LRRTM2: variants seen among roughly 807,000 people sequenced by gnomAD.
The protein encoded by LRRTM2 is leucine-rich repeat transmembrane neuronal protein 2.
Under a neutral mutation model 40.7 loss-of-function variants are expected in LRRTM2, and 14 were observed. The ratio of observed to expected loss-of-function variants is 0.34; its 90% confidence interval spans 0.23 to 0.54. The LOEUF is 0.54. Ranked by LOEUF, LRRTM2 falls within the 20% of genes least tolerant of loss-of-function variation. The probability of loss-of-function intolerance (pLI) is 0.92; values close to 1 mark genes in which losing one functional copy is unlikely to be tolerated. For missense variants in LRRTM2, 468 were observed against 624.4 expected (o/e 0.75, Z 2.67); for synonymous variants, 223 against 237.6 (o/e 0.94, Z 0.57).
In LRRTM2 at chr5:138,870,243, G is replaced by A. The variant is rs1317369122; in HGVS notation, c.*2767C>T. On this transcript the variant is annotated 3_prime_UTR_variant, in exon 2 of 2. Coordinates refer to ENST00000274711, the MANE Select transcript of LRRTM2 (RefSeq NM_015564.3). ...GCCAGTTGGTAAAGAAAGCACAGAT[G>A]ACTAACAGTCTAATCTTCAAACCTG... 6.6e-6 allele frequency: 1 copy of A among 152,240 alleles called. No homozygotes were observed. Among genetic ancestry groups the A allele is most frequent in the Non-Finnish European group, 1.5e-5 (1 of 68,048 alleles). The allele number at this position is 152,240 out of a possible 1,614,324, so 9.4% of individuals were successfully genotyped here. A position where few individuals can be genotyped will look rare whatever the true frequency, so the allele number is the denominator to read the frequency against.
In LRRTM2 at chr5:138,871,607, G is replaced by A. The variant is rs1750631322; in HGVS notation, c.*1403C>T. On this transcript the variant is annotated 3_prime_UTR_variant, in exon 2 of 2. Transcript: ENST00000274711. ...TTGGTGCAGATTGTGTATAATCATT[G>A]TTGGCTGCCTTGTAACTCCAGCTAA... 6.6e-6 allele frequency: 1 copy of A among 152,160 alleles called. No homozygotes were observed. The highest frequency in any genetic ancestry group is 1.5e-5 in the Non-Finnish European group (1 of 68,032). The allele number at this position is 152,160 out of a possible 1,614,324, so 9.4% of individuals were successfully genotyped here.
Position 138,873,592 on chromosome 5 carries a change from G to C in LRRTM2, c.969C>G (p.Ala323=). ...GACCTTGGAAACTGCCCAGCCAGGA[G>C]GCCAGAGCACATATTCGGGCGCTGC... The part of the protein sequence containing the change: ...WECSARICAL[A]SWLGSFQGRW... Residue 323 remains alanine (A), a synonymous_variant, in exon 2 of 2, where the codon GCC becomes GCG. Coordinates refer to ENST00000274711, the MANE Select transcript of LRRTM2 (RefSeq NM_015564.3). This position sits in a 1 kb window ranked among gnomAD's most constrained non-coding sequence, Gnocchi z 6.1. 6.2e-7 allele frequency: 1 copy of C among 1,613,972 alleles called. No homozygotes were observed. Among genetic ancestry groups the C allele is most frequent in the Non-Finnish European group, 8.5e-7 (1 of 1,179,894 alleles).
rs1231265402 is a variant in LRRTM2 at position 138,871,075 on chromosome 5, G to A, written c.*1935C>T. 2 of 151,976 alleles carry A rather than the reference G, an allele frequency of 1.3e-5. No individual in the cohort carries two copies. Among genetic ancestry groups the A allele is most frequent in the Non-Finnish European group, 2.9e-5 (2 of 67,972 alleles). The allele number at this position is 151,976 out of a possible 1,614,324, so 9.4% of individuals were successfully genotyped here. ...GAGATGTTAGGTGAAGGGTACTAAG[G>A]TACCCATCTCTTAGTATTAAAGAAG... On this transcript the variant is annotated 3_prime_UTR_variant, in exon 2 of 2. Transcript: ENST00000274711.
Position 138,873,003 on chromosome 5 carries a change from G to A in LRRTM2, c.*7C>T. The A allele has an allele frequency of 2.5e-6, 4 of 1,573,170 alleles. No homozygotes were observed. The highest frequency in any genetic ancestry group is 1.2e-5 in the South Asian group (1 of 85,820). ...TATCTGATGTGATTTTTGATGATGG[G>A]TAGATATTATACTTCACATTCTTTG... On this transcript the variant is annotated 3_prime_UTR_variant, in exon 2 of 2. Transcript: ENST00000274711. The surrounding 1 kb of genome is among the most constrained non-coding windows in gnomAD (Gnocchi z 6.1).
Position 138,873,364 on chromosome 5 carries a change from A to G in LRRTM2, c.1197T>C (p.Thr399=), listed in dbSNP as rs377375104. The stretch of plus-strand genomic sequence containing the variant: ...CGGTAGTAACTGCTATGCCTGCAGT[A>G]GTTGGGATTTCTTTGTCTCCCACAT... ...SYHVGDKEIP[T]TAGIAVTTEE... The change falls in exon 2 of 2, where the codon ACT becomes ACC. Residue 399 remains threonine, a synonymous_variant. Coordinates refer to ENST00000274711, the MANE Select transcript of LRRTM2 (RefSeq NM_015564.3). The surrounding 1 kb of genome is among the most constrained non-coding windows in gnomAD (Gnocchi z 6.1). 2.7e-5 allele frequency: 43 copies of G among 1,613,816 alleles called. No individual in the cohort carries two copies. In the African/African-American group the frequency reaches 5.1e-4, roughly 19 times the overall value.
Position 138,874,952 on chromosome 5 carries a change from T to TA in LRRTM2, c.-42dup, listed in dbSNP as rs773081998. The TA allele has an allele frequency of 1.2e-6, 2 of 1,612,076 alleles. No homozygotes were observed. The highest frequency in any genetic ancestry group is 2.2e-5 in the South Asian group (2 of 91,028). On this transcript the variant is annotated 5_prime_UTR_variant, in exon 1 of 2. Transcript: ENST00000274711. This position sits in a 1 kb window ranked among gnomAD's most constrained non-coding sequence, Gnocchi z 4.1. ...GGAGGCTGCATTCAGTCGCGGTTGTTAGACTCAACGCAGTGAGTCTGTAAA... is the reference window on the plus strand; with the variant it reads ...GGAGGCTGCATTCAGTCGCGGTTGTTAAGACTCAACGCAGTGAGTCTGTAAA...
rs189830469 is a variant in LRRTM2 at position 138,872,799 on chromosome 5, T to G, written c.*211A>C. Reference sequence around the variant, plus strand: ...AGCATTTTAGACTTTCCAACAGGAGTGCAAATTAATGTGAGCATTGATTCA... The same window carrying G: ...AGCATTTTAGACTTTCCAACAGGAGGGCAAATTAATGTGAGCATTGATTCA... On this transcript the variant is annotated 3_prime_UTR_variant, in exon 2 of 2. Transcript: ENST00000274711. The G allele has an allele frequency of 1.9e-4, 83 of 446,414 alleles. No homozygotes were observed. The highest frequency in any genetic ancestry group is 1.5e-3 in the African/African-American group (75 of 49,806). 27.7% of individuals were successfully genotyped at this position (446,414 alleles called of 1,614,324 possible).
chr5:138,873,081 G>C lies in LRRTM2; in HGVS notation c.1480C>G (p.Pro494Ala). 1 of 1,613,656 alleles carries C rather than the reference G, an allele frequency of 6.2e-7. No individual in the cohort carries two copies. The highest frequency in any genetic ancestry group is 8.5e-7 in the Non-Finnish European group (1 of 1,179,628). The change falls in exon 2 of 2, where the codon CCC becomes GCC. Residue 494 changes from proline (P) to alanine (A), a missense_variant. Physicochemically the swap from Pro to Ala is conservative, Grantham distance 27. Transcript: ENST00000274711. This position sits in a 1 kb window ranked among gnomAD's most constrained non-coding sequence, Gnocchi z 6.1. ...YNEYEPTHEG[P>A]FIIINGYGQC... ...CCATAACCATTAATGATGATGAAGG[G>C]TCCTTCATGGGTGGGTTCATATTCA... is the stretch of plus-strand genomic sequence containing the variant.
Position 138,875,281 on chromosome 5 carries a change from TG to T in LRRTM2, c.-371del. On this transcript the variant is annotated 5_prime_UTR_variant, in exon 1 of 2. An upstream open reading frame in the 5' UTR loses its in-frame stop. Coordinates refer to ENST00000274711, the MANE Select transcript of LRRTM2 (RefSeq NM_015564.3). ...GTGGCTTGTTGCAGAGAAGAGCTCCTGGAGCAGCATGAGTGCATTTACTGAA... is the reference window on the plus strand; with the variant it reads ...GTGGCTTGTTGCAGAGAAGAGCTCCTGAGCAGCATGAGTGCATTTACTGAA... 1.9e-6 allele frequency: 1 copy of T among 513,860 alleles called. No individual in the cohort carries two copies. The highest frequency in any genetic ancestry group is 2.6e-6 in the Non-Finnish European group (1 of 383,726). The allele number at this position is 513,860 out of a possible 1,614,324, so 31.8% of individuals were successfully genotyped here. A position where few individuals can be genotyped will look rare whatever the true frequency, so the allele number is the denominator to read the frequency against.
At position 138,872,643 on chromosome 5, in the gene LRRTM2, A is replaced by ATC. The variant is rs1432352262; in HGVS notation, c.*365_*366dup. On this transcript the variant is annotated 3_prime_UTR_variant, in exon 2 of 2. Transcript: ENST00000274711. ...GAGAGCAGTGATCAAACAGGTATTG[A>ATC]TCTATATCTGTTTCTGCCCAATAGC... is the stretch of plus-strand genomic sequence containing the variant. The ATC allele has an allele frequency of 6.0e-6, 1 of 167,054 alleles. No homozygotes were observed. The highest frequency in any genetic ancestry group is 1.3e-5 in the Non-Finnish European group (1 of 77,412). 10.3% of individuals were successfully genotyped at this position (167,054 alleles called of 1,614,324 possible). A position where few individuals can be genotyped will look rare whatever the true frequency, so the allele number is the denominator to read the frequency against.
In LRRTM2 at chr5:138,873,680, G is replaced by C; in HGVS notation, c.881C>G (p.Ser294Cys). 6.2e-7 allele frequency: 1 copy of C among 1,614,012 alleles called. No homozygotes were observed. Among genetic ancestry groups the C allele is most frequent in the Non-Finnish European group, 8.5e-7 (1 of 1,179,898 alleles). ...GGATCTCAGGGAGTTTAAGATCTTG[G>C]AATCAAGGCTGTTTAACTTGTTGTT... ...MDNNKLNSLD[S>C]KILNSLRSLT... The change falls in exon 2 of 2, where the codon TCC (serine) becomes TGC (cysteine). Residue 294 changes from serine to cysteine, a missense_variant. By Grantham distance (112) the Ser-to-Cys change is moderately radical (BLOSUM62 -1). Coordinates refer to ENST00000274711, the MANE Select transcript of LRRTM2 (RefSeq NM_015564.3). This position sits in a 1 kb window ranked among gnomAD's most constrained non-coding sequence, Gnocchi z 6.1.
rs1399651477 is a variant in LRRTM2 at position 138,874,357 on chromosome 5, C to G, written c.204G>C (p.Leu68=). ...CGAGCTCTGTGATGTGATTGTGCCT[C>G]AGGGACAGGCCCAGAGAGCCCTTGT... ...ATDKGSLGLS[L]RHNHITELER... The change falls in exon 2 of 2, where the codon CTG becomes CTC. Residue 68 remains leucine, a synonymous_variant. Coordinates refer to ENST00000274711, the MANE Select transcript of LRRTM2 (RefSeq NM_015564.3). This position sits in a 1 kb window ranked among gnomAD's most constrained non-coding sequence, Gnocchi z 4.1. 2 of 1,614,028 alleles carry G rather than the reference C, an allele frequency of 1.2e-6. No individual in the cohort carries two copies. Among genetic ancestry groups the G allele is most frequent in the African/African-American group, 1.3e-5 (1 of 75,052 alleles).
chr5:138,874,905 T>G lies in LRRTM2; in HGVS notation c.4+3A>C. ...TACAAGACATATAAATGCACAGACT[T>G]ACCCATTCTTCTGAGCACATTGGAG... On this transcript the variant is annotated splice_donor_region_variant and intron_variant, in intron 1 of 1. Transcript: ENST00000274711. The surrounding 1 kb of genome is among the most constrained non-coding windows in gnomAD (Gnocchi z 4.1). The G allele has an allele frequency of 6.2e-7, 1 of 1,613,284 alleles. No individual in the cohort carries two copies. The highest frequency in any genetic ancestry group is 1.1e-5 in the South Asian group (1 of 91,008).
rs1751006457 is a variant in LRRTM2, at chr5:138,874,126, C to A, written c.435G>T (p.Leu145=). The stretch of plus-strand genomic sequence containing the variant: ...AGAAGAGCTCTGGGTGCAGAGATGA[C>A]AGCTGATTAAAAGACAGGTCCAAAT... ...LQNLDLSFNQ[L]SSLHPELFYG... Residue 145 remains leucine, a synonymous_variant, in exon 2 of 2, where the codon CTG becomes CTT. Coordinates refer to ENST00000274711, the MANE Select transcript of LRRTM2 (RefSeq NM_015564.3). This position sits in a 1 kb window ranked among gnomAD's most constrained non-coding sequence, Gnocchi z 4.1. The A allele has an allele frequency of 1.9e-6, 3 of 1,613,576 alleles. No individual in the cohort carries two copies. The highest frequency in any genetic ancestry group is 2.5e-6 in the Non-Finnish European group (3 of 1,179,716).
In LRRTM2 at chr5:138,875,004, C is replaced by A; in HGVS notation, c.-93G>T. 1.5e-6 allele frequency: 2 copies of A among 1,309,228 alleles called. No homozygotes were observed. The highest frequency in any genetic ancestry group is 1.2e-5 in the South Asian group (1 of 81,318). 81.1% of individuals were successfully genotyped at this position (1,309,228 alleles called of 1,614,324 possible). On this transcript the variant is annotated 5_prime_UTR_variant, in exon 1 of 2. Coordinates refer to ENST00000274711, the MANE Select transcript of LRRTM2 (RefSeq NM_015564.3). Reference sequence around the variant, plus strand: ...GGCTCTAACATGTAGGAGCCTTTGACCAGTTTCCTGTTTTCTGTGTCCCAG... The same window carrying A: ...GGCTCTAACATGTAGGAGCCTTTGAACAGTTTCCTGTTTTCTGTGTCCCAG...
rs772127640 is a variant in LRRTM2 at position 138,873,510 on chromosome 5, G to A, written c.1051C>T (p.Leu351=). The A allele has an allele frequency of 4.3e-6, 7 of 1,613,920 alleles. No homozygotes were observed. The East Asian group carries it at 1.3e-4, about 31-fold the overall frequency. ...SPDHTQGEDI[L]DAVHGFQLCW... is the part of the protein sequence containing the mutation. ...AGCTGAAATCCATGGACTGCATCTAGAATATCCTCTCCTTGGGTGTGGTCA... is the reference window on the plus strand; with the variant it reads ...AGCTGAAATCCATGGACTGCATCTAAAATATCCTCTCCTTGGGTGTGGTCA... The change falls in exon 2 of 2, where the codon CTA becomes TTA. Residue 351 remains leucine, a synonymous_variant. Transcript: ENST00000274711. This position sits in a 1 kb window ranked among gnomAD's most constrained non-coding sequence, Gnocchi z 6.1.
In LRRTM2 at chr5:138,874,389, C is replaced by T. The variant is rs915718354; in HGVS notation, c.172G>A (p.Ala58Thr). 9.3e-6 allele frequency: 15 copies of T among 1,613,784 alleles called. No individual in the cohort carries two copies. The highest frequency in any genetic ancestry group is 3.3e-5 in the Admixed American group (2 of 59,988). The change falls in exon 2 of 2, where the codon GCC (alanine) becomes ACC (threonine). Residue 58 changes from alanine to threonine, a missense_variant. By Grantham distance (58) the Ala-to-Thr change is moderately conservative (BLOSUM62 0). Coordinates refer to ENST00000274711, the MANE Select transcript of LRRTM2 (RefSeq NM_015564.3). This position sits in a 1 kb window ranked among gnomAD's most constrained non-coding sequence, Gnocchi z 4.1. ...AGGCCCAGAGAGCCCTTGTCTGTGG[C>T]GTTTGGCACTGAGTGGAAGCCCTGA... ...DSQGFHSVPN[A>T]TDKGSLGLSL...
rs768193190 is a variant in LRRTM2 at position 138,873,124 on chromosome 5, T to C, written c.1437A>G (p.Ser479=). The C allele has an allele frequency of 1.2e-6, 2 of 1,614,018 alleles. No homozygotes were observed. The highest frequency in any genetic ancestry group is 3.3e-5 in the Admixed American group (2 of 60,026). ...CATATTCATTATACGGTCCTTGGTC[T>C]GACATGTTTGACATATGGAGTCGTG... ...SQTRLHMSNM[S]DQGPYNEYEP... is the part of the protein sequence containing the mutation. The change falls in exon 2 of 2, where the codon TCA becomes TCG. Residue 479 remains serine (S), a synonymous_variant. Transcript: ENST00000274711. The surrounding 1 kb of genome is among the most constrained non-coding windows in gnomAD (Gnocchi z 6.1).
At position 138,873,700 on chromosome 5, in the gene LRRTM2, G is replaced by A; in HGVS notation, c.861C>T (p.Asn287=). The part of the protein sequence containing the change: ...PNLKILLMDN[N]KLNSLDSKIL... The stretch of plus-strand genomic sequence containing the variant: ...TCTTGGAATCAAGGCTGTTTAACTT[G>A]TTGTTATCCATGAGGAGTATTTTAA... The change falls in exon 2 of 2, where the codon AAC becomes AAT. Residue 287 remains asparagine (N), a synonymous_variant. Coordinates refer to ENST00000274711, the MANE Select transcript of LRRTM2 (RefSeq NM_015564.3). This position sits in a 1 kb window ranked among gnomAD's most constrained non-coding sequence, Gnocchi z 6.1. 1 of 1,614,006 alleles carries A rather than the reference G, an allele frequency of 6.2e-7. No homozygotes were observed. Among genetic ancestry groups the A allele is most frequent in the Non-Finnish European group, 8.5e-7 (1 of 1,179,886 alleles).
Sources: allele counts gnomAD v4.1 joint callset, GRCh38; gene constraint gnomAD v4.1.1; non-coding constraint Gnocchi (gnomAD v3.1); transcripts MANE v1.5; gene names NCBI Gene and HGNC (gene_info 2026-07-23, HGNC 2026-07-21).